Variants in KDELR1 observed in about 807,000 individuals in gnomAD.
The protein encoded by KDELR1 is ER lumen protein-retaining receptor 1.
A neutral mutation model predicts 25.5 loss-of-function variants in KDELR1; 16 were observed. The observed-to-expected ratio is 0.63, with a 90% CI of 0.43 to 0.95. The LOEUF is 0.95. Among genes scored for constraint, KDELR1 ranks in the 40% least tolerant of loss-of-function variants. The pLI is 0.00. For missense variants in KDELR1, 159 were observed against 265.2 expected, an observed-to-expected ratio of 0.60 and a Z score of 2.78; for synonymous variants, 121 against 115.0, an observed-to-expected ratio of 1.05 and a Z score of -0.33.
chr19:48,394,280 G>C (rs1304294675), upstream of KDELR1, among the ~76,000 whole-genome samples: 1 of 151,816 alleles, frequency 6.6e-6, no homozygotes, highest in Non-Finnish European at 1.5e-5. This position sits in a 1 kb window ranked among gnomAD's most constrained non-coding sequence, Gnocchi z 5.1. Context: ...GTGAGTGTAT[G>C]TGTGTTTCTG....
In KDELR1 at chr19:48,383,101, A is replaced by T; in HGVS notation, c.*192T>A. 1.7e-6 allele frequency: 1 copy of T among 600,980 alleles called. No individual in the cohort carries two copies. The highest frequency in any genetic ancestry group is 2.9e-6 in the Non-Finnish European group (1 of 341,318). The allele number at this position is 600,980 out of a possible 1,614,324, so 37.2% of individuals were successfully genotyped here. ...TCTTGTCTAAAAGGCAAAAAACTAC[A>T]AACAGCCCAAGTCCTGAGCTCCCCA... On this transcript the variant is annotated 3_prime_UTR_variant, in exon 5 of 5. Coordinates refer to ENST00000330720, the MANE Select transcript of KDELR1 (RefSeq NM_006801.3).
At chr19:48,391,234 C>A in intron 1 of KDELR1, 34 bp downstream of exon 1, 1 of 1,542,294 alleles carries the variant, frequency 6.5e-7, no homozygotes, top group Non-Finnish European at 8.8e-7. Context: ...CGCCCGCAAT[C>A]TCTCTCCTTC....
chr19:48,389,804 A>C, intron 2 of KDELR1, 93 bp from the exon 3 acceptor site: 1 of 1,384,380 alleles, frequency 7.2e-7, no homozygotes, highest in Non-Finnish European at 1.0e-6. Flanking sequence ...CCTCAGACGC[A>C]GGAGTCCAGA....
intron 2 of KDELR1, 83 bp from the exon 3 acceptor site, chr19:48,389,794 C>A (rs929506996): frequency 1.3e-6 from 2 of 1,483,726 alleles, no homozygotes; most frequent in Admixed American, 3.6e-5. Context: ...CAGGCCCCTC[C>A]CTCAGACGCA....
In KDELR1 at chr19:48,391,278, G is replaced by C. The variant is rs745507557; in HGVS notation, c.81C>G (p.Arg27=). ...TGGTGGGCCTCTCACCGGCGCACGAGCGGGACTTCCAGATTTTGAGCAGTA... is the reference window on the plus strand; with the variant it reads ...TGGTGGGCCTCTCACCGGCGCACGACCGGGACTTCCAGATTTTGAGCAGTA... The part of the protein sequence containing the change: ...ILLLLKIWKS[R]SCAGISGKSQ... Residue 27 remains arginine (R), a synonymous_variant, in exon 1 of 5, where the codon CGC becomes CGG. Coordinates refer to ENST00000330720, the MANE Select transcript of KDELR1 (RefSeq NM_006801.3). The C allele has an allele frequency of 2.6e-6, 4 of 1,555,426 alleles. No homozygotes were observed. In the East Asian group the frequency reaches 9.7e-5, roughly 38 times the overall value.
intron 3 of KDELR1, chr19:48,389,347 G>A: frequency 1.7e-6 from 1 of 593,460 alleles, no homozygotes; most frequent in South Asian, 2.1e-5. Context: ...TAGGTGAAAT[G>A]CTTAGGGTAG....
upstream of KDELR1, among the ~76,000 whole-genome samples, chr19:48,395,346 G>A (rs889159330): frequency 6.6e-6 from 1 of 151,504 alleles, no homozygotes; most frequent in Non-Finnish European, 1.5e-5. Flanking sequence ...AGAGCTATGA[G>A]TCTGCTATTA....
chr19:48,388,676 CTT>C (rs1377460616), intron 3 of KDELR1, among the ~76,000 whole-genome samples: 1 of 144,586 alleles, frequency 6.9e-6, no homozygotes, highest in Non-Finnish European at 1.5e-5. Context: ...CCGAGCGAGA[CTT>C]TGTCGAAAGA....
At position 48,390,545 on chromosome 19, in the gene KDELR1, A is replaced by AAG. The variant is rs200187800; in HGVS notation, c.92-23_92-22dup. 1.3e-3 allele frequency: 1,642 copies of AAG among 1,216,870 alleles called. 3 individuals are homozygous for AAG. In the East Asian group the frequency reaches 0.023, roughly 17 times the overall value. The allele number at this position is 1,216,870 out of a possible 1,614,324, so 75.4% of individuals were successfully genotyped here. On this transcript the variant is annotated intron_variant, in intron 1 of 4. Transcript: ENST00000330720. ...AATTCCTGTGGTCCAGAGACAGAGA[A>AAG]AGAGAGAGAGAGAGAGACAGAGAGA...
chr19:48,383,725 G>C (rs952919539), intron 4 of KDELR1, among the ~76,000 whole-genome samples: 1 of 151,784 alleles, frequency 6.6e-6, no homozygotes, highest in South Asian at 2.1e-4. Flanking sequence ...TGTTGCTCTG[G>C]AACTCCTAGG....
At chr19:48,395,898 G>C (rs904616164), upstream of KDELR1, among the ~76,000 whole-genome samples, 4 of 152,176 alleles carry the variant, frequency 2.6e-5, no homozygotes, top group African/African-American at 7.2e-5. Context: ...CTGGGCACTG[G>C]AGTTCCAGAG....
chr19:48,383,352 G>A, intron 4 of KDELR1, 25 bp from the exon 5 acceptor site: 1 of 1,551,142 alleles, frequency 6.4e-7, no homozygotes, highest in Non-Finnish European at 8.7e-7. Flanking sequence ...AACAGGGAGG[G>A]CATTACCGCT....
At position 48,384,912 on chromosome 19, in the gene KDELR1, A is replaced by G. The variant is rs1600955760; in HGVS notation, c.352-430T>C. ...TTTCTTTTTTTTTTTTTTGAGATGG[A>G]GTATCACTCTGTCACCCAGGCTGGA... On this transcript the variant is annotated intron_variant, in intron 3 of 4. Coordinates refer to ENST00000330720, the MANE Select transcript of KDELR1 (RefSeq NM_006801.3). This position sits in a 1 kb window ranked among gnomAD's most constrained non-coding sequence, Gnocchi z 4.6. Among the ~76,000 whole-genome samples the G allele has an allele frequency of 7.4e-6, 1 of 134,706 alleles. No individual in the cohort carries two copies. The highest frequency in any genetic ancestry group is 2.8e-5 in the African/African-American group (1 of 35,440). The allele number at this position is 134,706 out of a possible 152,430, so 88.4% of individuals were successfully genotyped here.
chr19:48,384,599 G>A lies in KDELR1; in HGVS notation c.352-117C>T. ...TGGAGAGAAGGAAGGTGATCCAGGT[G>A]CTGCCAAGTGCCAGACACAGTTCTG... is the stretch of plus-strand genomic sequence containing the variant. On this transcript the variant is annotated intron_variant, in intron 3 of 4. Transcript: ENST00000330720. The surrounding 1 kb of genome is among the most constrained non-coding windows in gnomAD (Gnocchi z 4.6). 7.8e-7 allele frequency: 1 copy of A among 1,284,996 alleles called. No individual in the cohort carries two copies. Among genetic ancestry groups the A allele is most frequent in the Non-Finnish European group, 1.1e-6 (1 of 937,556 alleles). The allele number at this position is 1,284,996 out of a possible 1,614,324, so 79.6% of individuals were successfully genotyped here. A position where few individuals can be genotyped will look rare whatever the true frequency, so the allele number is the denominator to read the frequency against.
chr19:48,393,581 C>G (rs1402500519), upstream of KDELR1, among the ~76,000 whole-genome samples: 2 of 152,110 alleles, frequency 1.3e-5, no homozygotes, highest in Non-Finnish European at 2.9e-5. This position sits in a 1 kb window ranked among gnomAD's most constrained non-coding sequence, Gnocchi z 5.6. Context: ...CTCCCCAAGC[C>G]TGGCAGGAGA....
rs112757532 is a variant in KDELR1, at chr19:48,391,064, T to A, written c.91+204A>T. ...TGGCTGAATTGGGGGCCTAAAGCCATTCACATGAAACTGTATGCACCCCCG... is the reference window on the plus strand; with the variant it reads ...TGGCTGAATTGGGGGCCTAAAGCCAATCACATGAAACTGTATGCACCCCCG... On this transcript the variant is annotated intron_variant, in intron 1 of 4. Transcript: ENST00000330720. 5.8e-3 allele frequency among the ~76,000 whole-genome samples: 885 copies of A among 152,230 alleles called. 5 individuals are homozygous for A. Among genetic ancestry groups the A allele is most frequent in the African/African-American group, 0.02 (841 of 41,544 alleles).
intron 3 of KDELR1, among the ~76,000 whole-genome samples, chr19:48,388,465 C>T (rs1970512632): frequency 6.6e-6 from 1 of 151,812 alleles, no homozygotes; most frequent in Non-Finnish European, 1.5e-5. Context: ...GAGAGTGGAT[C>T]ACCTGAGGTC....
At chr19:48,388,764 G>A (rs1008000757) in intron 3 of KDELR1, among the ~76,000 whole-genome samples, 5 of 147,350 alleles carry the variant, frequency 3.4e-5, no homozygotes, top group African/African-American at 1.3e-4. Context: ...AGAAAGAAAG[G>A]AAAGAAAGGA....
rs868795277 is a variant in KDELR1, at chr19:48,389,619, C to T, written c.285G>A (p.Val95=). The T allele has an allele frequency of 6.2e-7, 1 of 1,614,020 alleles. No homozygotes were observed. Among genetic ancestry groups the T allele is most frequent in the Non-Finnish European group, 8.5e-7 (1 of 1,179,988 alleles). Residue 95 remains valine, a synonymous_variant, in exon 3 of 5, where the codon GTG becomes GTA. Coordinates refer to ENST00000330720, the MANE Select transcript of KDELR1 (RefSeq NM_006801.3). The part of the protein sequence containing the change: ...TYDGNHDTFR[V]EFLVVPTAIL... ...TGGCTGTGGGAACGACCAGGAACTCCACTCTGAACGTGTCATGGTTCCCAT... is the reference window on the plus strand; with the variant it reads ...TGGCTGTGGGAACGACCAGGAACTCTACTCTGAACGTGTCATGGTTCCCAT...
Sources: allele counts gnomAD v4.1 joint callset (sites outside exome capture counted in the v4.1 genomes callset), GRCh38; gene constraint gnomAD v4.1.1; non-coding constraint Gnocchi (gnomAD v3.1); transcripts MANE v1.5; gene names NCBI Gene and HGNC (gene_info 2026-07-23, HGNC 2026-07-21).